DNA2: variants seen among roughly 807,000 people sequenced by gnomAD.
DNA2 encodes the protein DNA replication ATP-dependent helicase/nuclease DNA2.
A neutral mutation model predicts 119.1 loss-of-function variants in DNA2; 101 were observed. That is an observed-to-expected ratio of 0.85 (90% CI 0.72 to 1.00). The LOEUF is 1.00. Ranked by LOEUF, DNA2 falls within the 50% of genes least tolerant of loss-of-function variation. The pLI, the probability that DNA2 is intolerant of heterozygous loss-of-function variation, is 0.00. For synonymous variants in DNA2, 366 were observed against 424.4 expected (o/e 0.86, Z 1.69); for missense variants, 1,121 against 1,255.5 (o/e 0.89, Z 1.62).
chr10:68,419,644 CAT>C (rs1018211970), intron 18 of DNA2, among the ~76,000 whole-genome samples, 157 bp downstream of exon 18: 1 of 152,174 alleles, frequency 6.6e-6, no homozygotes, highest in African/African-American at 2.4e-5. Flanking sequence ...TAAAATATTA[CAT>C]GTCTTAGATA....
chr10:68,430,894 G>C (rs1351548768), intron 13 of DNA2, among the ~76,000 whole-genome samples: 1 of 152,154 alleles, frequency 6.6e-6, no homozygotes, highest in East Asian at 1.9e-4. Flanking sequence ...AGCACTTTGG[G>C]AGGCTGAGGC....
At chr10:68,431,564 C>T (rs187216430) in intron 13 of DNA2, among the ~76,000 whole-genome samples, 37 of 152,248 alleles carry the variant, frequency 2.4e-4, no homozygotes, top group African/African-American at 7.0e-4. Flanking sequence ...GGATTACAGG[C>T]GTAAGCCACA....
At chr10:68,427,860 C>T (rs567509807) in intron 14 of DNA2, among the ~76,000 whole-genome samples, 109 of 152,080 alleles carry the variant, frequency 7.2e-4, no homozygotes, top group African/African-American at 2.5e-3. Context: ...GGTGAAACCT[C>T]GTCACTACTA....
At chr10:68,443,136 G>A (rs2051993226) in intron 8 of DNA2, 25 bp from the exon 9 acceptor site, 7 of 1,535,174 alleles carry the variant, frequency 4.6e-6, no homozygotes, top group Non-Finnish European at 6.1e-6. Flanking sequence ...CCAAGTTAGA[G>A]ATGCTTATAA....
At position 68,427,650 on chromosome 10, in the gene DNA2, A is replaced by AACACACAC. The variant is rs151180015; in HGVS notation, c.2208+2778_2208+2785dup. ...GGCAACAGAGCAAGACCTTGTCTCA[A>AACACACAC]ACACACACACACACACACACACACA... On this transcript the variant is annotated intron_variant, in intron 14 of 20. Transcript: ENST00000358410. Among the ~76,000 whole-genome samples, 924 of 140,234 alleles carry AACACACAC rather than the reference A, an allele frequency of 6.6e-3. 12 individuals carry two copies. Among genetic ancestry groups the AACACACAC allele is most frequent in the African/African-American group, 0.023 (878 of 38,866 alleles). The allele number at this position is 140,234 out of a possible 152,430, so 92.0% of individuals were successfully genotyped here. A position where few individuals can be genotyped will look rare whatever the true frequency, so the allele number is the denominator to read the frequency against.
At chr10:68,456,901 A>G (rs542263404) in intron 5 of DNA2, among the ~76,000 whole-genome samples, 135 of 151,644 alleles carry the variant, frequency 8.9e-4, no homozygotes, top group South Asian at 3.3e-3. Context: ...TTGGGAGGCC[A>G]AGGTGGGCGG....
At chr10:68,438,638 T>G (rs1282116361) in intron 9 of DNA2, among the ~76,000 whole-genome samples, 1 of 152,212 alleles carries the variant, frequency 6.6e-6, no homozygotes, top group Admixed American at 6.5e-5. Context: ...ATATGCAGTC[T>G]AACTACAATT....
chr10:68,450,194 G>T lies in DNA2; in HGVS notation c.773C>A (p.Pro258Gln). 1.2e-6 allele frequency: 2 copies of T among 1,601,200 alleles called. No homozygotes were observed. Among genetic ancestry groups the T allele is most frequent in the East Asian group, 4.5e-5 (2 of 44,672 alleles). ...CCAAATGCTTTCTTCAATATCCATT[G>T]GTTTCACGACTTCAATGTTACATGT... Reference protein sequence around the residue: ...NSTCNIEVVKPMDIEESIWSP... With the variant: ...NSTCNIEVVKQMDIEESIWSP... Residue 258 changes from proline to glutamine, a missense_variant, in exon 6 of 21, where the codon CCA becomes CAA. Transcript: ENST00000358410.
chr10:68,439,653 C>T lies in DNA2; in HGVS notation c.1416-2412G>A, dbSNP rs144598777. 5.1e-3 allele frequency among the ~76,000 whole-genome samples: 778 copies of T among 152,068 alleles called. 32 individuals are homozygous for T. Among genetic ancestry groups the T allele is most frequent in the Admixed American group, 0.041 (626 of 15,256 alleles). On this transcript the variant is annotated intron_variant, in intron 9 of 20. Transcript: ENST00000358410. ...GGGAGTTCAAGACCAGCCTGACCAA[C>T]ATGGAGAAACCCCGTCTCTACTAAA...
chr10:68,430,334 C>T (rs890046962), intron 14 of DNA2, 102 bp downstream of exon 14: 3 of 790,392 alleles, frequency 3.8e-6, no homozygotes, highest in African/African-American at 1.7e-5. Flanking sequence ...TAATCATGTG[C>T]AAATCCAGTC....
rs1295230130 is a variant in DNA2, at chr10:68,444,947, T to C, written c.1194A>G (p.Gln398=). ...EEEKTCKYCS[Q]IGNCALYSRA... is the part of the protein sequence containing the mutation. ...TGCTATAAAGAGCACAATTGCCAAT[T>C]TGTGAACAATATTTACAAGTTTTCT... The change falls in exon 8 of 21, where the codon CAA becomes CAG. Residue 398 remains glutamine (Q), a synonymous_variant. Coordinates refer to ENST00000358410, the MANE Select transcript of DNA2 (RefSeq NM_001080449.3). 2.5e-6 allele frequency: 4 copies of C among 1,613,502 alleles called. No homozygotes were observed. In the African/African-American group the frequency reaches 5.3e-5, roughly 22 times the overall value.
intron 10 of DNA2, among the ~76,000 whole-genome samples, 184 bp from the exon 11 acceptor site, chr10:68,432,694 G>C (rs1355859750): frequency 1.3e-5 from 2 of 152,188 alleles, no homozygotes; most frequent in Admixed American, 1.3e-4. Context: ...AAGGCAGAGG[G>C]AAGGGGAAGG....
intron 3 of DNA2, among the ~76,000 whole-genome samples, chr10:68,466,964 T>C (rs927406708): frequency 6.6e-6 from 1 of 152,068 alleles, no homozygotes; most frequent in Non-Finnish European, 1.5e-5. Flanking sequence ...TGAGGTGGCC[T>C]GGGAGGTCAA....
intron 14 of DNA2, among the ~76,000 whole-genome samples, chr10:68,427,203 T>C (rs1244444669): frequency 6.6e-6 from 1 of 150,620 alleles, no homozygotes; most frequent in African/African-American, 2.4e-5. Context: ...ACCCCGTCTC[T>C]ACTAAAAAAA....
Position 68,431,847 on chromosome 10 carries a change from G to C in DNA2, c.1983+15C>G. Reference sequence around the variant, plus strand: ...ACAAATATTTTGTCTCTAAGCAGAAGAATAATAACCTTACGAGAGTACATA... The same window carrying C: ...ACAAATATTTTGTCTCTAAGCAGAACAATAATAACCTTACGAGAGTACATA... On this transcript the variant is annotated intron_variant, in intron 13 of 20. Transcript: ENST00000358410. 6.4e-7 allele frequency: 1 copy of C among 1,554,190 alleles called. No individual in the cohort carries two copies. The highest frequency in any genetic ancestry group is 8.8e-7 in the Non-Finnish European group (1 of 1,130,680).
intron 4 of DNA2, among the ~76,000 whole-genome samples, chr10:68,465,411 C>A (rs553957924): frequency 2.0e-5 from 3 of 152,208 alleles, no homozygotes; most frequent in East Asian, 3.9e-4. Flanking sequence ...CAAAAAAGTT[C>A]TTTATACATT....
intron 1 of DNA2, among the ~76,000 whole-genome samples, chr10:68,470,900 A>G (rs540556901): frequency 2.6e-5 from 4 of 152,354 alleles, no homozygotes; most frequent in Non-Finnish European, 5.9e-5. Context: ...CTTAATACCT[A>G]TCGATTTAGC....
rs1048575292 is a variant in DNA2 at position 68,436,448 on chromosome 10, A to G, written c.1646+563T>C. Among the ~76,000 whole-genome samples the G allele has an allele frequency of 3.3e-5, 5 of 152,308 alleles. No individual in the cohort carries two copies. In the South Asian group the frequency reaches 6.2e-4, roughly 19 times the overall value. The stretch of plus-strand genomic sequence containing the variant: ...AGAGAGTGGGAAGTGACTGCGTAAT[A>G]GGAATGAGGTTTCCTTTTAGGGTGA... On this transcript the variant is annotated intron_variant, in intron 10 of 20. Coordinates refer to ENST00000358410, the MANE Select transcript of DNA2 (RefSeq NM_001080449.3).
rs966497203 is a variant in DNA2 at position 68,437,015 on chromosome 10, C to T, written c.1642G>A (p.Asp548Asn). 41 of 1,605,800 alleles carry T rather than the reference C, an allele frequency of 2.6e-5. No individual in the cohort carries two copies. The highest frequency in any genetic ancestry group is 3.1e-5 in the Non-Finnish European group (37 of 1,175,318). ...INMTTVTCLL[D>N]RNLSVLPEST... ...AAAAAAGTAACATTTCATTACCTGT[C>T]TAATAAACAAGTTACTGTTGTCATG... The change falls in exon 10 of 21, where the codon GAC becomes AAC. Residue 548 changes from aspartate (D) to asparagine (N), a missense_variant. Transcript: ENST00000358410.
Sources: allele counts gnomAD v4.1 joint callset (sites outside exome capture counted in the v4.1 genomes callset), GRCh38; gene constraint gnomAD v4.1.1; transcripts MANE v1.5; gene names NCBI Gene and HGNC (gene_info 2026-07-23, HGNC 2026-07-21).